The following ACTN3 variants were observed in gnomAD, a reference collection of about 807,000 sequenced individuals.
The protein encoded by ACTN3 is actinin alpha 3.
ACTN3 carries 91 observed loss-of-function variants against 119.6 expected under a neutral mutation model. The ratio of observed to expected loss-of-function variants is 0.76; its 90% confidence interval spans 0.64 to 0.91. ACTN3 has a LOEUF of 0.91. Ranked by LOEUF, ACTN3 falls within the 40% of genes least tolerant of loss-of-function variation. ACTN3 has a pLI of 0.00. For synonymous variants in ACTN3, 456 were observed against 478.8 expected, an observed-to-expected ratio of 0.95 and a Z score of 0.62; for missense variants, 1,221 against 1,215.1, an observed-to-expected ratio of 1.00 and a Z score of -0.07.
At chr11:66,556,938 T>C (rs1419541082) in intron 8 of ACTN3, among the ~76,000 whole-genome samples, 195 bp from the exon 9 acceptor site, 1 of 152,124 alleles carries the variant, frequency 6.6e-6, no homozygotes, top group Non-Finnish European at 1.5e-5. Flanking sequence ...TTTTTTTGTA[T>C]TTTTAGTAGA....
rs769304081 is a variant in ACTN3, at chr11:66,556,221, G to A, written c.795G>A (p.Gly265=). 1 of 1,613,680 alleles carries A rather than the reference G, an allele frequency of 6.2e-7. No homozygotes were observed. The highest frequency in any genetic ancestry group is 8.5e-7 in the Non-Finnish European group (1 of 1,179,870). ...YVSCFYHAFA[G]AEQAETAANR... ...CCTGCTTCTACCATGCCTTTGCCGGGGCTGAGCAGGTAAGGCGGCCCAACT... is the reference window on the plus strand; with the variant it reads ...CCTGCTTCTACCATGCCTTTGCCGGAGCTGAGCAGGTAAGGCGGCCCAACT... The change falls in exon 8 of 21, where the codon GGG becomes GGA. Residue 265 remains glycine (G), a synonymous_variant. Coordinates refer to ENST00000513398, the MANE Select transcript of ACTN3 (RefSeq NM_001104.4).
In ACTN3 at chr11:66,559,326, G is replaced by A; in HGVS notation, c.1367G>A (p.Ser456Asn). 1 of 1,576,254 alleles carries A rather than the reference G, an allele frequency of 6.3e-7. No individual in the cohort carries two copies. ...CTGCGGCGCCACGAGGCCTTTGAGA[G>A]CGACCTGGCGGCGCACCAGGACCGC... ...ALLRRHEAFESDLAAHQDRVE... is the reference protein window; with the variant it reads ...ALLRRHEAFENDLAAHQDRVE... The change falls in exon 12 of 21, where the codon AGC (serine) becomes AAC (asparagine). Residue 456 changes from serine to asparagine, a missense_variant. Physicochemically the swap from Ser to Asn is conservative, Grantham distance 46. Around this residue, in one of 3 missense-constraint regions of ACTN3, gnomAD observed 934 missense variants for 899.9 expected, o/e 1.04. Transcript: ENST00000513398.
chr11:66,557,054 C>T (rs1285555369), intron 8 of ACTN3, 79 bp from the exon 9 acceptor site: 2 of 1,346,864 alleles, frequency 1.5e-6, no homozygotes, highest in Admixed American at 4.1e-5. Context: ...AGCCACCGCG[C>T]TCGGCGGGGC....
At position 66,556,593 on chromosome 11, in the gene ACTN3, C is replaced by T. The variant is rs555531947; in HGVS notation, c.804+363C>T. Among the ~76,000 whole-genome samples the T allele has an allele frequency of 3.3e-5, 5 of 152,170 alleles. No homozygotes were observed. The East Asian group carries it at 9.7e-4, about 29-fold the overall frequency. ...CTGGGACTACAGGCACGTGCTACCA[C>T]ACCTGACTAATTTTTGTATTTTTTG... On this transcript the variant is annotated intron_variant, in intron 8 of 20. Transcript: ENST00000513398.
rs112008389 is a variant in ACTN3, at chr11:66,547,345, C to T, written c.147+261C>T. 5.4e-3 allele frequency among the ~76,000 whole-genome samples: 821 copies of T among 152,288 alleles called. 7 individuals carry two copies. The highest frequency in any genetic ancestry group is 0.018 in the African/African-American group (757 of 41,552). On this transcript the variant is annotated intron_variant, in intron 1 of 20. Transcript: ENST00000513398. ...GTTCATTCCCCTGGGCCCACTGCCC[C>T]ACTTCTGCTGCTGAAAACAGGCTGG...
In ACTN3 at chr11:66,561,592, G is replaced by A. The variant is rs1344331920; in HGVS notation, c.2130G>A (p.Gln710=). Residue 710 remains glutamine, a synonymous_variant, in exon 17 of 21, where the codon CAG becomes CAA. Transcript: ENST00000513398. ...TGGAGGGTGACCACCAGCTGCTGCAGGAGAGCCTGGTGTTCGACAATAAGC... is the reference window on the plus strand; with the variant it reads ...TGGAGGGTGACCACCAGCTGCTGCAAGAGAGCCTGGTGTTCGACAATAAGC... The part of the protein sequence containing the change: ...DRLEGDHQLL[Q]ESLVFDNKHT... 21 of 1,613,144 alleles carry A rather than the reference G, an allele frequency of 1.3e-5. No homozygotes were observed. The highest frequency in any genetic ancestry group is 1.8e-5 in the Non-Finnish European group (21 of 1,179,648).
rs769307600 is a variant in ACTN3, at chr11:66,556,210, G to A, written c.784G>A (p.Ala262Thr). 2.5e-6 allele frequency: 4 copies of A among 1,613,938 alleles called. No individual in the cohort carries two copies. The East Asian group carries it at 8.9e-5, about 36-fold the overall frequency. Residue 262 changes from alanine to threonine, a missense_variant, in exon 8 of 21, where the codon GCC becomes ACC. This residue lies in a region of ACTN3 where 934 missense variants were observed against 899.9 expected (regional missense o/e 1.04). Transcript: ENST00000513398. Reference protein sequence around the residue: ...IMTYVSCFYHAFAGAEQAETA... With the variant: ...IMTYVSCFYHTFAGAEQAETA... ...GACCTATGTGTCCTGCTTCTACCAT[G>A]CCTTTGCCGGGGCTGAGCAGGTAAG...
At position 66,560,555 on chromosome 11, in the gene ACTN3, C is replaced by CCTGCCTG. The variant is rs761500541; in HGVS notation, c.1678-17_1678-11dup. 99 of 1,599,122 alleles carry CCTGCCTG rather than the reference C, an allele frequency of 6.2e-5. No homozygotes were observed. The highest frequency in any genetic ancestry group is 7.9e-5 in the Non-Finnish European group (93 of 1,172,944). ...AAGTGGGGGACACCAGCTGACACTTCCTGCCTGTCGTCCCCAGAGCCTGCT... is the reference window on the plus strand; with the variant it reads ...AAGTGGGGGACACCAGCTGACACTTCCTGCCTGCTGCCTGTCGTCCCCAGAGCCTGCT... On this transcript the variant is annotated splice_polypyrimidine_tract_variant and intron_variant, in intron 14 of 20. Coordinates refer to ENST00000513398, the MANE Select transcript of ACTN3 (RefSeq NM_001104.4).
Position 66,559,323 on chromosome 11 carries a change from A to C in ACTN3, c.1364A>C (p.Glu455Ala), listed in dbSNP as rs1857682620. The C allele has an allele frequency of 6.3e-7, 1 of 1,577,576 alleles. No homozygotes were observed. Among genetic ancestry groups the C allele is most frequent in the Non-Finnish European group, 8.6e-7 (1 of 1,164,428 alleles). Reference protein sequence around the residue: ...RALLRRHEAFESDLAAHQDRV... With the variant: ...RALLRRHEAFASDLAAHQDRV... ...TTGCTGCGGCGCCACGAGGCCTTTGAGAGCGACCTGGCGGCGCACCAGGAC... is the reference window on the plus strand; with the variant it reads ...TTGCTGCGGCGCCACGAGGCCTTTGCGAGCGACCTGGCGGCGCACCAGGAC... Residue 455 changes from glutamate (E) to alanine (A), a missense_variant, in exon 12 of 21, where the codon GAG becomes GCG. This residue lies in a region of ACTN3 where 934 missense variants were observed against 899.9 expected (regional missense o/e 1.04). Coordinates refer to ENST00000513398, the MANE Select transcript of ACTN3 (RefSeq NM_001104.4).
Position 66,546,984 on chromosome 11 carries a change from G to A in ACTN3, c.47G>A (p.Arg16His), listed in dbSNP as rs1283966731. The change falls in exon 1 of 21, where the codon CGC becomes CAC. Residue 16 changes from arginine to histidine, a missense_variant. Coordinates refer to ENST00000513398, the MANE Select transcript of ACTN3 (RefSeq NM_001104.4). ...QPEGLGAGEGRFAGGGGGGEY... is the reference protein window; with the variant it reads ...QPEGLGAGEGHFAGGGGGGEY... ...GAGGGTCTGGGGGCCGGGGAGGGGC[G>A]CTTTGCGGGCGGCGGCGGGGGCGGC... The A allele has an allele frequency of 6.6e-7, 1 of 1,521,494 alleles. No individual in the cohort carries two copies. The highest frequency in any genetic ancestry group is 8.8e-7 in the Non-Finnish European group (1 of 1,138,504). 94.2% of individuals were successfully genotyped at this position (1,521,494 alleles called of 1,614,324 possible). A position where few individuals can be genotyped will look rare whatever the true frequency, so the allele number is the denominator to read the frequency against.
chr11:66,552,185 C>G (rs1018747543), intron 3 of ACTN3, among the ~76,000 whole-genome samples: 6 of 151,972 alleles, frequency 3.9e-5, no homozygotes, highest in African/African-American at 1.2e-4. Flanking sequence ...CAAGACCATC[C>G]TGGCCAACAT....
At chr11:66,554,824 C>T (rs1226493983) in intron 5 of ACTN3, among the ~76,000 whole-genome samples, 1 of 152,108 alleles carries the variant, frequency 6.6e-6, no homozygotes, top group African/African-American at 2.4e-5. Context: ...AGGAGGGTTC[C>T]AGTAACTCCT....
At chr11:66,551,716 T>G (rs1378905669) in intron 3 of ACTN3, 69 bp downstream of exon 3, 14 of 1,590,044 alleles carry the variant, frequency 8.8e-6, no homozygotes, top group Non-Finnish European at 1.1e-5. Flanking sequence ...AAATCACCTC[T>G]GTGAGCCTCA....
intron 3 of ACTN3, among the ~76,000 whole-genome samples, chr11:66,552,493 C>A (rs1359791797): frequency 6.6e-6 from 1 of 152,150 alleles, no homozygotes; most frequent in Non-Finnish European, 1.5e-5. Flanking sequence ...GTAGTCTCAG[C>A]TACTTGGCAG....
chr11:66,554,702 A>G, intron 5 of ACTN3, 79 bp downstream of exon 5: 3 of 1,187,988 alleles, frequency 2.5e-6, no homozygotes, highest in Non-Finnish European at 3.6e-6. Flanking sequence ...TGGTCAGTGA[A>G]GGGCACTGAG....
chr11:66,556,836 C>T (rs1023793768), intron 8 of ACTN3, among the ~76,000 whole-genome samples: 7 of 152,076 alleles, frequency 4.6e-5, no homozygotes, highest in Admixed American at 4.6e-4. Flanking sequence ...TCTCGGCTCA[C>T]TGCCAGCTCT....
At chr11:66,562,442 CAG>C (rs759462568) in intron 19 of ACTN3, 120 bp downstream of exon 19, 9 of 1,190,856 alleles carry the variant, frequency 7.6e-6, no homozygotes, top group South Asian at 1.3e-5. Flanking sequence ...TACATCCACA[CAG>C]GGGCTAGCAA....
In ACTN3 at chr11:66,551,328, C is replaced by T. The variant is rs746827490; in HGVS notation, c.237C>T (p.Leu79=). 103 of 1,609,586 alleles carry T rather than the reference C, an allele frequency of 6.4e-5. No homozygotes were observed. Among genetic ancestry groups the T allele is most frequent in the Middle Eastern group, 3.3e-4 (2 of 6,078 alleles). The change falls in exon 2 of 21, where the codon CTC becomes CTT. Residue 79 remains leucine, a synonymous_variant. Coordinates refer to ENST00000513398, the MANE Select transcript of ACTN3 (RefSeq NM_001104.4). ...AAGATTTCCGCAATGGCCTCAAACT[C>T]ATGCTGCTCCTGGAGGTCATTTCAG... ...IEEDFRNGLK[L]MLLLEVISGE...
upstream of ACTN3, chr11:66,546,811 C>A: frequency 3.3e-6 from 5 of 1,530,492 alleles, no homozygotes; most frequent in Non-Finnish European, 4.4e-6. Context: ...CCTTCACCCC[C>A]ATCCGGCCCC....
Sources: allele counts gnomAD v4.1 joint callset (sites outside exome capture counted in the v4.1 genomes callset), GRCh38; gene constraint gnomAD v4.1.1; regional missense constraint gnomAD v4.1.1; transcripts MANE v1.5; gene names NCBI Gene and HGNC (gene_info 2026-07-23, HGNC 2026-07-21).